Variants in ASIC2 observed in about 807,000 individuals in gnomAD.
The protein encoded by ASIC2 is acid-sensing ion channel 2.
In ASIC2, 25 loss-of-function variants were observed where a neutral mutation model predicts 57.3. The observed-to-expected ratio is 0.44, with a 90% CI of 0.32 to 0.61. ASIC2 has a LOEUF of 0.61. Ranked by LOEUF, ASIC2 falls within the 20% of genes least tolerant of loss-of-function variation. The probability of loss-of-function intolerance (pLI) is 0.06; values close to 1 mark genes in which losing one functional copy is unlikely to be tolerated. For missense variants in ASIC2, 641 were observed against 738.1 expected (o/e 0.87, Z 1.52); for synonymous variants, 319 against 307.5 (o/e 1.04, Z -0.39).
intron 1 of ASIC2, among the ~76,000 whole-genome samples, chr17:34,152,578 G>C (rs1008504423): frequency 6.6e-6 from 1 of 152,122 alleles, no homozygotes; most frequent in African/African-American, 2.4e-5. Flanking sequence ...TGAATAGCCC[G>C]ACTACTAATA....
At chr17:33,923,947 C>G (rs1484373807) in intron 1 of ASIC2, among the ~76,000 whole-genome samples, 1 of 152,132 alleles carries the variant, frequency 6.6e-6, no homozygotes, top group Non-Finnish European at 1.5e-5. Context: ...GAAGAGAGCC[C>G]CGGACTCACA....
intron 1 of ASIC2, among the ~76,000 whole-genome samples, chr17:33,652,003 C>T (rs752283297): frequency 7.2e-5 from 11 of 151,968 alleles, no homozygotes; most frequent in Non-Finnish European, 1.2e-4. Context: ...CATGTGCATG[C>T]GTGTGTGTGT....
chr17:33,504,354 G>A (rs1225731246), intron 1 of ASIC2, among the ~76,000 whole-genome samples: 1 of 152,080 alleles, frequency 6.6e-6, no homozygotes, highest in African/African-American at 2.4e-5. Flanking sequence ...TTTTGTTGTT[G>A]TTGAGATGGA....
chr17:33,116,938 C>T (rs544069571), intron 1 of ASIC2, among the ~76,000 whole-genome samples: 91 of 152,030 alleles, frequency 6.0e-4, no homozygotes, highest in African/African-American at 2.2e-3. Flanking sequence ...TAATCTCAAA[C>T]TCCTGGGCTC....
At chr17:33,356,328 G>C (rs1375568946) in intron 1 of ASIC2, among the ~76,000 whole-genome samples, 1 of 152,102 alleles carries the variant, frequency 6.6e-6, no homozygotes, top group Admixed American at 6.5e-5. Flanking sequence ...AAATTCAGGG[G>C]CTCAAGGAAG....
At chr17:33,469,964 G>A (rs952427514) in intron 1 of ASIC2, among the ~76,000 whole-genome samples, 1 of 152,112 alleles carries the variant, frequency 6.6e-6, no homozygotes. Context: ...GGGGGTCAGC[G>A]GGGGCAGCTA....
At chr17:33,321,462 T>C (rs1906864386) in intron 1 of ASIC2, among the ~76,000 whole-genome samples, 2 of 152,188 alleles carry the variant, frequency 1.3e-5, no homozygotes, top group Admixed American at 1.3e-4. Context: ...CAAGCCTCTG[T>C]AAAAATATAA....
At chr17:33,959,792 T>G (rs1335317804) in intron 1 of ASIC2, among the ~76,000 whole-genome samples, 2 of 152,236 alleles carry the variant, frequency 1.3e-5, no homozygotes, top group Non-Finnish European at 2.9e-5. Flanking sequence ...TTAATCTCCT[T>G]TGGCAACACC....
At chr17:33,883,417 T>C (rs1914752251) in intron 1 of ASIC2, among the ~76,000 whole-genome samples, 1 of 152,174 alleles carries the variant, frequency 6.6e-6, no homozygotes, top group Admixed American at 6.5e-5. Context: ...TGGGGAATCA[T>C]GTAGTTGTTT....
intron 1 of ASIC2, among the ~76,000 whole-genome samples, chr17:33,356,793 C>T (rs1443734392): frequency 6.6e-6 from 1 of 152,100 alleles, no homozygotes; most frequent in Non-Finnish European, 1.5e-5. Context: ...TATTCTTTGG[C>T]TCTGCAATCA....
chr17:33,779,578 A>C (rs1229088140), intron 1 of ASIC2, among the ~76,000 whole-genome samples: 1 of 152,170 alleles, frequency 6.6e-6, no homozygotes, highest in African/African-American at 2.4e-5. Context: ...AAACCTAAGA[A>C]ACTTAGTTTC....
intron 1 of ASIC2, among the ~76,000 whole-genome samples, chr17:33,685,181 C>A (rs776196642): frequency 3.3e-5 from 5 of 152,200 alleles, no homozygotes; most frequent in Admixed American, 1.3e-4. Context: ...TCCCCCCTCC[C>A]CAACCCTCTC....
chr17:33,452,167 G>A (rs1037206600), intron 1 of ASIC2, among the ~76,000 whole-genome samples: 1 of 152,158 alleles, frequency 6.6e-6, no homozygotes, highest in African/African-American at 2.4e-5. Flanking sequence ...GTTAGTATTC[G>A]GATTGTCTAC....
At chr17:33,950,725 C>T (rs866207994) in intron 1 of ASIC2, among the ~76,000 whole-genome samples, 12 of 152,190 alleles carry the variant, frequency 7.9e-5, no homozygotes, top group Admixed American at 7.2e-4. Flanking sequence ...CTGATGAGAC[C>T]CTGGGTCCCC....
intron 1 of ASIC2, among the ~76,000 whole-genome samples, chr17:34,032,807 A>C (rs1047751578): frequency 6.6e-6 from 1 of 152,248 alleles, no homozygotes; most frequent in Non-Finnish European, 1.5e-5. Flanking sequence ...CAACAAGAAG[A>C]GCTAACTATC....
At chr17:33,972,817 G>A (rs1370333829) in intron 1 of ASIC2, among the ~76,000 whole-genome samples, 1 of 152,230 alleles carries the variant, frequency 6.6e-6, no homozygotes, top group Non-Finnish European at 1.5e-5. Flanking sequence ...TGGGGACTTG[G>A]GCCCCGTCGC....
At chr17:33,834,429 G>A (rs1352465227) in intron 1 of ASIC2, 3 of 152,196 alleles carry the variant, frequency 2.0e-5, no homozygotes, top group Admixed American at 1.3e-4. Context: ...TCCAGGCCCA[G>A]CTGTTGGTAT....
At chr17:33,075,014 C>T in intron 3 of ASIC2, among the ~76,000 whole-genome samples, 1 of 152,176 alleles carries the variant, frequency 6.6e-6, no homozygotes, top group East Asian at 1.9e-4. Flanking sequence ...GTCACCTCCA[C>T]TGCCATGTCC....
intron 1 of ASIC2, chr17:33,935,732 T>C (rs896173406): frequency 1.3e-5 from 2 of 152,210 alleles, no homozygotes; most frequent in Admixed American, 6.5e-5. Flanking sequence ...AGACGAGATT[T>C]GAAGCCATGT....
Sources: gnomAD v4.1 joint callset for allele counts (sites outside exome capture counted in the v4.1 genomes callset) on GRCh38, gnomAD v4.1.1 for gene constraint, MANE v1.5 for transcripts, NCBI Gene and HGNC (gene_info 2026-07-23, HGNC 2026-07-21) for gene names.